The following PTPRT variants were observed in gnomAD, a reference collection of about 807,000 sequenced individuals.
PTPRT encodes protein tyrosine phosphatase receptor type T, also known as receptor-type tyrosine-protein phosphatase T.
A neutral mutation model predicts 176.8 loss-of-function variants in PTPRT; 56 were observed. That is an observed-to-expected ratio of 0.32 (90% CI 0.26 to 0.40). The LOEUF (loss-of-function observed/expected upper bound fraction) is 0.40. Ranked by LOEUF, PTPRT falls within the 10% of genes least tolerant of loss-of-function variation. The pLI, the probability that PTPRT is intolerant of heterozygous loss-of-function variation, is 1.00. For synonymous variants in PTPRT, 783 were observed against 739.0 expected (o/e 1.06, Z -0.96); for missense variants, 1,540 against 1,908.2 (o/e 0.81, Z 3.60).
intron 7 of PTPRT, among the ~76,000 whole-genome samples, chr20:42,519,943 C>T (rs1349250778): frequency 6.6e-6 from 1 of 152,042 alleles, no homozygotes; most frequent in East Asian, 1.9e-4. Flanking sequence ...TTGGTACATA[C>T]AAATTTAGAA....
intron 16 of PTPRT, among the ~76,000 whole-genome samples, chr20:42,188,392 G>A (rs989160520): frequency 9.9e-5 from 15 of 151,976 alleles, no homozygotes; most frequent in Admixed American, 9.8e-4. Flanking sequence ...GGTCCATCAT[G>A]TGAAACTAGG....
At chr20:43,163,788 C>T (rs2014778849) in intron 1 of PTPRT, among the ~76,000 whole-genome samples, 1 of 152,200 alleles carries the variant, frequency 6.6e-6, no homozygotes, top group Admixed American at 6.5e-5. Context: ...GACAGCACAT[C>T]TATCTCATGT....
At chr20:43,042,901 C>T (rs1986678228) in intron 1 of PTPRT, among the ~76,000 whole-genome samples, 1 of 152,110 alleles carries the variant, frequency 6.6e-6, no homozygotes, top group Admixed American at 6.5e-5. Flanking sequence ...TTGCTATTCT[C>T]CTCCTATTTT....
intron 1 of PTPRT, among the ~76,000 whole-genome samples, chr20:42,921,761 C>G (rs1381374605): frequency 6.6e-6 from 1 of 152,218 alleles, no homozygotes; most frequent in Non-Finnish European, 1.5e-5. Context: ...CAATCAGGGT[C>G]TTGCTGCCAC....
At chr20:42,097,501 A>T (rs1338119819) in intron 27 of PTPRT, among the ~76,000 whole-genome samples, 7 of 152,170 alleles carry the variant, frequency 4.6e-5, no homozygotes, top group African/African-American at 1.4e-4. Flanking sequence ...CTCTGGGCAG[A>T]ATTCATTGCT....
chr20:43,169,547 C>T (rs1478204899), intron 1 of PTPRT, among the ~76,000 whole-genome samples: 7 of 152,214 alleles, frequency 4.6e-5, no homozygotes. Flanking sequence ...AGGGTCCAAA[C>T]TGTCATTTCA....
chr20:42,977,073 G>C (rs919013274), intron 1 of PTPRT, among the ~76,000 whole-genome samples: 5 of 152,178 alleles, frequency 3.3e-5, no homozygotes, highest in African/African-American at 1.2e-4. Flanking sequence ...AATGTAGCAA[G>C]TGGTTCTGTG....
At chr20:42,284,753 C>G (rs1475570313) in intron 12 of PTPRT, among the ~76,000 whole-genome samples, 1 of 151,786 alleles carries the variant, frequency 6.6e-6, no homozygotes, top group Non-Finnish European at 1.5e-5. Context: ...TTCTTCGGAA[C>G]AAGTGTTTTC....
At chr20:42,855,168 TC>T (rs1251792066) in intron 2 of PTPRT, among the ~76,000 whole-genome samples, 1 of 152,172 alleles carries the variant, frequency 6.6e-6, no homozygotes, top group Non-Finnish European at 1.5e-5. Context: ...TAAGAGCATG[TC>T]ATACTGGCTA....
At chr20:42,365,753 A>G (rs1225818936) in intron 9 of PTPRT, among the ~76,000 whole-genome samples, 1 of 152,174 alleles carries the variant, frequency 6.6e-6, no homozygotes, top group Non-Finnish European at 1.5e-5. Flanking sequence ...TTTGGGTCGC[A>G]TGTAGCCTGT....
intron 7 of PTPRT, among the ~76,000 whole-genome samples, chr20:42,610,388 T>TG (rs1296544812): frequency 4.0e-5 from 6 of 151,150 alleles, no homozygotes; most frequent in Admixed American, 6.6e-5. Flanking sequence ...TGTTTTTTTT[T>TG]TTTGTTTTTT....
chr20:42,780,189 G>A, intron 4 of PTPRT, 29 bp downstream of exon 4: 1 of 1,573,208 alleles, frequency 6.4e-7, no homozygotes, highest in Non-Finnish European at 8.8e-7. Flanking sequence ...ATGGATCAAG[G>A]CTGTGTTGGG....
chr20:42,280,171 G>C (rs1256211058), intron 13 of PTPRT, among the ~76,000 whole-genome samples: 1 of 152,164 alleles, frequency 6.6e-6, no homozygotes, highest in African/African-American at 2.4e-5. Context: ...TTAGGTTCTT[G>C]ATACAAACTC....
chr20:42,729,468 C>T (rs1434005179), intron 6 of PTPRT, among the ~76,000 whole-genome samples: 2 of 152,214 alleles, frequency 1.3e-5, no homozygotes, highest in Admixed American at 1.3e-4. Context: ...AGGGGAAGAA[C>T]AGGACTGAGA....
At chr20:42,309,729 A>G (rs1416037611) in intron 12 of PTPRT, among the ~76,000 whole-genome samples, 3 of 152,170 alleles carry the variant, frequency 2.0e-5, no homozygotes, top group Non-Finnish European at 4.4e-5. Context: ...TTCTTTCATT[A>G]ATCCATCAAA....
chr20:42,198,150 G>A (rs991873857), intron 16 of PTPRT, among the ~76,000 whole-genome samples: 2 of 152,170 alleles, frequency 1.3e-5, no homozygotes, highest in Non-Finnish European at 2.9e-5. Context: ...GTTACTCTCA[G>A]ATCTGGATCC....
chr20:43,177,528 A>T (rs1458159354), intron 1 of PTPRT, among the ~76,000 whole-genome samples: 2 of 152,210 alleles, frequency 1.3e-5, no homozygotes, highest in East Asian at 3.8e-4. Flanking sequence ...TCCCAGGTGG[A>T]ACAGGTGGTC....
chr20:43,122,754 T>C (rs967201005), intron 1 of PTPRT, among the ~76,000 whole-genome samples: 5 of 152,208 alleles, frequency 3.3e-5, no homozygotes, highest in Non-Finnish European at 1.5e-5. Context: ...AAAGTAGATG[T>C]TGGCACCATG....
At chr20:42,312,390 A>G (rs1005635668) in intron 12 of PTPRT, among the ~76,000 whole-genome samples, 1 of 152,172 alleles carries the variant, frequency 6.6e-6, no homozygotes, top group Non-Finnish European at 1.5e-5. Flanking sequence ...GCCCTTTATG[A>G]TATGGAAAAA....
Sources: allele counts gnomAD v4.1 joint callset (sites outside exome capture counted in the v4.1 genomes callset), GRCh38; gene constraint gnomAD v4.1.1; transcripts MANE v1.5; gene names NCBI Gene and HGNC (gene_info 2026-07-23, HGNC 2026-07-21).